KCNIP4: variants seen among roughly 807,000 people sequenced by gnomAD.
KCNIP4 encodes the protein potassium voltage-gated channel interacting protein 4.
In KCNIP4, 12 loss-of-function variants were observed where a neutral mutation model predicts 34.0. That is an observed-to-expected ratio of 0.35 (90% CI 0.23 to 0.57). The LOEUF (loss-of-function observed/expected upper bound fraction) is 0.57. Ranked by LOEUF, KCNIP4 falls within the 20% of genes least tolerant of loss-of-function variation. KCNIP4 has a pLI of 0.83. For synonymous variants in KCNIP4, 124 were observed against 102.2 expected (o/e 1.21, Z -1.29); for missense variants, 238 against 311.7 (o/e 0.76, Z 1.78).
intron 1 of KCNIP4, among the ~76,000 whole-genome samples, chr4:21,349,207 T>C (rs1717760286): frequency 6.6e-6 from 1 of 152,158 alleles, no homozygotes; most frequent in Non-Finnish European, 1.5e-5. Context: ...TTATTTCAAG[T>C]ATCTACAAAA....
At chr4:20,864,435 C>T (rs1189509115) in intron 2 of KCNIP4, among the ~76,000 whole-genome samples, 1 of 151,426 alleles carries the variant, frequency 6.6e-6, no homozygotes, top group African/African-American at 2.4e-5. Flanking sequence ...ATAAAATCCC[C>T]ATCAGCGTAC....
chr4:21,764,487 T>C (rs955014938), intron 1 of KCNIP4, among the ~76,000 whole-genome samples: 14 of 152,088 alleles, frequency 9.2e-5, no homozygotes, highest in African/African-American at 3.4e-4. Flanking sequence ...GAAATATTTA[T>C]ATAAAAATGA....
intron 1 of KCNIP4, among the ~76,000 whole-genome samples, chr4:21,094,766 C>G (rs1339753016): frequency 6.6e-6 from 1 of 152,166 alleles, no homozygotes; most frequent in Non-Finnish European, 1.5e-5. Context: ...GAAACTCAAG[C>G]AGCCCTATGG....
intron 1 of KCNIP4, among the ~76,000 whole-genome samples, chr4:21,436,259 A>G (rs1726937333): frequency 6.6e-6 from 1 of 152,158 alleles, no homozygotes; most frequent in Admixed American, 6.5e-5. Flanking sequence ...CCTGGGAAAC[A>G]CCTGAGCCTT....
intron 1 of KCNIP4, among the ~76,000 whole-genome samples, chr4:21,343,785 C>T (rs888382892): frequency 6.6e-6 from 1 of 152,060 alleles, no homozygotes; most frequent in African/African-American, 2.4e-5. Context: ...TTTGCCACAC[C>T]TGAAACTTAT....
At chr4:20,993,525 T>C (rs1359703495) in intron 1 of KCNIP4, among the ~76,000 whole-genome samples, 3 of 152,136 alleles carry the variant, frequency 2.0e-5, no homozygotes, top group Admixed American at 2.0e-4. Flanking sequence ...GACTAAGCCC[T>C]CTTAAAAGAA....
At chr4:21,166,155 A>T (rs1356521806) in intron 1 of KCNIP4, among the ~76,000 whole-genome samples, 1 of 152,188 alleles carries the variant, frequency 6.6e-6, no homozygotes, top group African/African-American at 2.4e-5. Context: ...CAAATGAACT[A>T]AGACAGGAAG....
At position 21,633,827 on chromosome 4, in the gene KCNIP4, T is replaced by C. The variant is rs919401468; in HGVS notation, c.61+314744A>G. Among the ~76,000 whole-genome samples, 4 of 152,098 alleles carry C rather than the reference T, an allele frequency of 2.6e-5. No individual in the cohort carries two copies. The East Asian group carries it at 5.8e-4, about 22-fold the overall frequency. On this transcript the variant is annotated intron_variant, in intron 1 of 8. Transcript: ENST00000382152. ...TTAGTACATGTTAACATAAATATTG[T>C]TTTTGAAAAAAATGTAAATTTTCCA...
intron 2 of KCNIP4, among the ~76,000 whole-genome samples, chr4:20,871,951 A>G (rs1221404218): frequency 6.6e-6 from 1 of 152,092 alleles, no homozygotes; most frequent in East Asian, 1.9e-4. Flanking sequence ...TTGCAAAACA[A>G]AGCATGAAAA....
intron 1 of KCNIP4, among the ~76,000 whole-genome samples, chr4:20,887,291 G>A (rs1004802358): frequency 6.6e-6 from 1 of 151,588 alleles, no homozygotes; most frequent in Non-Finnish European, 1.5e-5. Context: ...TATAATTAAA[G>A]AACATAATGA....
At chr4:20,799,766 C>T (rs1560473428) in intron 3 of KCNIP4, among the ~76,000 whole-genome samples, 1 of 152,194 alleles carries the variant, frequency 6.6e-6, no homozygotes, top group Non-Finnish European at 1.5e-5. Context: ...TCCTGAGCTG[C>T]TTCTATGTCC....
chr4:21,082,865 TTCTATCTATCTATCTATCTATCTA>T (rs71182707), intron 1 of KCNIP4, among the ~76,000 whole-genome samples: 4 of 147,684 alleles, frequency 2.7e-5, no homozygotes, highest in Admixed American at 6.8e-5. Context: ...TGCCAGGTTA[TTCTATCTATCTATCTATCTATCTA>T]TCTATCTATC....
intron 3 of KCNIP4, among the ~76,000 whole-genome samples, chr4:20,824,036 A>T (rs761971068): frequency 1.3e-5 from 2 of 152,174 alleles, no homozygotes; most frequent in Non-Finnish European, 2.9e-5. Context: ...TCTGTGTTTG[A>T]GTTTCCTCAT....
intron 1 of KCNIP4, among the ~76,000 whole-genome samples, chr4:21,475,532 A>T (rs5017762): frequency 0.27 from 41,046 of 152,038 alleles, 6,015 homozygotes; most frequent in African/African-American, 0.38. Flanking sequence ...ATTAACCATT[A>T]TTTAACCAAT....
intron 1 of KCNIP4, among the ~76,000 whole-genome samples, chr4:21,522,849 G>A (rs1735655878): frequency 6.6e-6 from 1 of 152,144 alleles, no homozygotes; most frequent in East Asian, 1.9e-4. Context: ...ACATTGCTTA[G>A]CACATAGTAA....
At chr4:21,697,041 C>T (rs1175213819) in intron 1 of KCNIP4, among the ~76,000 whole-genome samples, 1 of 151,846 alleles carries the variant, frequency 6.6e-6, no homozygotes, top group Non-Finnish European at 1.5e-5. Flanking sequence ...AAGAGAAAAA[C>T]CCCTTGCACA....
chr4:21,400,756 A>G (rs1040183986), intron 1 of KCNIP4, among the ~76,000 whole-genome samples: 11 of 152,240 alleles, frequency 7.2e-5, no homozygotes, highest in Middle Eastern at 3.4e-3. Context: ...TTCAGCAAAT[A>G]TGTAGAATTT....
At chr4:20,854,870 A>G (rs1371245129) in intron 2 of KCNIP4, among the ~76,000 whole-genome samples, 1 of 152,158 alleles carries the variant, frequency 6.6e-6, no homozygotes, top group Admixed American at 6.6e-5. Flanking sequence ...AAGCTTTAAA[A>G]TATTGTACTT....
At position 21,893,648 on chromosome 4, in the gene KCNIP4, C is replaced by T. The variant is rs116004711; in HGVS notation, c.61+54923G>A. Among the ~76,000 whole-genome samples, 1,197 of 152,180 alleles carry T rather than the reference C, an allele frequency of 7.9e-3. 15 individuals are homozygous for T. The highest frequency in any genetic ancestry group is 0.027 in the African/African-American group (1,136 of 41,540). On this transcript the variant is annotated intron_variant, in intron 1 of 8. Transcript: ENST00000382152. ...TGCAATTTACTTGTGTACATGTTGCCCCAACAGTAGATACTGAATAATGGT... is the reference window on the plus strand; with the variant it reads ...TGCAATTTACTTGTGTACATGTTGCTCCAACAGTAGATACTGAATAATGGT...
Sources: gnomAD v4.1 joint callset for allele counts (sites outside exome capture counted in the v4.1 genomes callset) on GRCh38, gnomAD v4.1.1 for gene constraint, MANE v1.5 for transcripts, NCBI Gene and HGNC (gene_info 2026-07-23, HGNC 2026-07-21) for gene names.